Variants in XKRX observed in about 807,000 individuals in gnomAD.
XKRX encodes the protein XK related X-linked.
In XKRX, 11 loss-of-function variants were observed where a neutral mutation model predicts 22.4. The ratio of observed to expected loss-of-function variants is 0.49; its 90% CI spans 0.31 to 0.81. The LOEUF (loss-of-function observed/expected upper bound fraction) is 0.81. XKRX is among the 40% of genes least tolerant of loss of function. The pLI, the probability that XKRX is intolerant of heterozygous loss-of-function variation, is 0.05. For missense variants in XKRX, 320 were observed against 336.5 expected (o/e 0.95, Z 0.38); for synonymous variants, 114 against 132.2 (o/e 0.86, Z 0.94).
the XKRX span, among the ~76,000 whole-genome samples, chrX:100,889,682 G>A: frequency 9.0e-6 from 1 of 111,519 alleles, no homozygotes; most frequent in African/African-American, 3.3e-5. Flanking sequence ...GACAGGCATG[G>A]AACAGATTCT....
intron 2 of XKRX, among the ~76,000 whole-genome samples, chrX:100,917,662 AAAGAAAGAAAGAAAAG>A (rs2085447100): frequency 2.2e-5 from 1 of 44,970 alleles, no homozygotes. Context: ...AGAAAGAAAG[AAAGAAAGAAAGAAAAG>A]AAAGAAAGAA....
the XKRX span, among the ~76,000 whole-genome samples, chrX:100,898,016 A>C: frequency 8.9e-6 from 1 of 111,738 alleles, no homozygotes; most frequent in South Asian, 3.8e-4. Flanking sequence ...ACAAAAATTA[A>C]AAGCCGAGGT....
the XKRX span, among the ~76,000 whole-genome samples, chrX:100,907,541 C>G: frequency 9.0e-6 from 1 of 111,726 alleles, no homozygotes; most frequent in African/African-American, 3.3e-5. Flanking sequence ...TATGCAGCTA[C>G]CCCATTCCTC....
chrX:100,892,685 T>C, the XKRX span, among the ~76,000 whole-genome samples: 1 of 112,435 alleles, frequency 8.9e-6, no homozygotes, highest in Admixed American at 9.4e-5. Flanking sequence ...TAACAAGTGT[T>C]GGTGAGGGTA....
chrX:100,917,664 AG>A (rs2085447203), intron 2 of XKRX, among the ~76,000 whole-genome samples: 1 of 54,355 alleles, frequency 1.8e-5, no homozygotes, highest in Non-Finnish European at 3.2e-5. Flanking sequence ...AAAGAAAGAA[AG>A]AAAGAAAGAA....
chrX:100,908,280 C>T, the XKRX span, among the ~76,000 whole-genome samples: 2 of 110,452 alleles, frequency 1.8e-5, no homozygotes, highest in Non-Finnish European at 3.8e-5. Flanking sequence ...CCACGCCTGG[C>T]TAATTTTTTG....
chrX:100,940,087 A>G, the XKRX span, among the ~76,000 whole-genome samples: 1 of 112,108 alleles, frequency 8.9e-6, no homozygotes, highest in African/African-American at 3.2e-5. Flanking sequence ...TACAAATTGT[A>G]ATAAACTAAG....
At chrX:100,929,609 T>C (rs1331144180), upstream of XKRX, among the ~76,000 whole-genome samples, 1 of 111,466 alleles carries the variant, frequency 9.0e-6, no homozygotes. Flanking sequence ...AGGGGGAACC[T>C]GGGAGGAATA....
intron 2 of XKRX, 131 bp downstream of exon 2, chrX:100,922,662 G>C (rs763110520): frequency 1.4e-6 from 1 of 692,309 alleles, no homozygotes; most frequent in Admixed American, 4.0e-5. Context: ...TAATGAACAA[G>C]TTTTTAATTT....
the XKRX span, among the ~76,000 whole-genome samples, chrX:100,958,634 T>C: frequency 1.8e-5 from 2 of 111,895 alleles, no homozygotes; most frequent in South Asian, 3.7e-4. Context: ...ATCTGAAATA[T>C]GGAATGTTTT....
chrX:100,930,847 G>A (rs184886550), upstream of XKRX, among the ~76,000 whole-genome samples: 88 of 110,452 alleles, frequency 8.0e-4, no homozygotes, highest in Admixed American at 6.3e-3. Context: ...ACATGAGAGA[G>A]TCAGCCGGGC....
At chrX:100,942,430 C>CT in the XKRX span, among the ~76,000 whole-genome samples, 6 of 9,693 alleles carry the variant, frequency 6.2e-4, no homozygotes, top group African/African-American at 1.6e-3. Context: ...ATCTCACATA[C>CT]CCTCTGGTAG....
At chrX:100,909,946 C>A (rs1319802654), downstream of XKRX, among the ~76,000 whole-genome samples, 2 of 101,855 alleles carry the variant, frequency 2.0e-5, no homozygotes, top group African/African-American at 7.1e-5. Context: ...ATATAAAACA[C>A]CTAGTACCGT....
the XKRX span, among the ~76,000 whole-genome samples, chrX:100,946,451 G>C: frequency 9.0e-6 from 1 of 111,274 alleles, no homozygotes; most frequent in Non-Finnish European, 1.9e-5. Flanking sequence ...TATCAGTCAG[G>C]GTCCCAGCAG....
chrX:100,944,410 T>C, the XKRX span, among the ~76,000 whole-genome samples: 3 of 112,034 alleles, frequency 2.7e-5, no homozygotes, highest in Admixed American at 2.8e-4. Flanking sequence ...TCACCCAGGC[T>C]GGAGTGCAAT....
At chrX:100,917,657 G>GAAAAAGA (rs373000478) in intron 2 of XKRX, among the ~76,000 whole-genome samples, 2 of 42,293 alleles carry the variant, frequency 4.7e-5, no homozygotes, top group African/African-American at 2.4e-4. Context: ...AAGAAAGAAA[G>GAAAAAGA]AAAGAAAGAA....
chrX:100,897,078 T>G, the XKRX span, among the ~76,000 whole-genome samples: 1 of 111,309 alleles, frequency 9.0e-6, no homozygotes, highest in Non-Finnish European at 1.9e-5. Flanking sequence ...AGTCTTAATG[T>G]TAATAGTAAT....
upstream of XKRX, among the ~76,000 whole-genome samples, chrX:100,930,217 C>T (rs934672072): frequency 9.2e-5 from 10 of 108,280 alleles, no homozygotes; most frequent in South Asian, 3.8e-3. Context: ...TGAACCCGGA[C>T]GGCAGAGGTT....
intron 2 of XKRX, among the ~76,000 whole-genome samples, chrX:100,916,077 C>CACA (rs2085433942): frequency 4.1e-5 from 4 of 97,036 alleles, no homozygotes; most frequent in Non-Finnish European, 8.3e-5. Flanking sequence ...TTAAGTTTTA[C>CACA]CACACACACA....
Sources: gnomAD v4.1 joint callset for allele counts (sites outside exome capture counted in the v4.1 genomes callset) on GRCh38, gnomAD v4.1.1 for gene constraint, MANE v1.5 for transcripts, NCBI Gene and HGNC (gene_info 2026-07-23, HGNC 2026-07-21) for gene names.